The following COL5A3 variants were observed in gnomAD, a reference collection of about 807,000 sequenced individuals.
COL5A3 encodes the protein collagen alpha-3(V) chain.
In COL5A3, 172 loss-of-function variants were observed where a neutral mutation model predicts 250.0. The observed-to-expected ratio is 0.69, with a 90% CI of 0.61 to 0.78. COL5A3 has a LOEUF of 0.78. Ranked by LOEUF, COL5A3 falls within the 30% of genes least tolerant of loss-of-function variation. COL5A3 has a pLI of 0.00. For synonymous variants in COL5A3, 937 were observed against 900.4 expected, an observed-to-expected ratio of 1.04 and a Z score of -0.73; for missense variants, 2,340 against 2,334.4, an observed-to-expected ratio of 1.00 and a Z score of -0.05.
Position 9,979,855 on chromosome 19 carries a change from C to A in COL5A3, c.2696G>T (p.Gly899Val). The A allele has an allele frequency of 6.3e-7, 1 of 1,578,764 alleles. No homozygotes were observed. Residue 899 changes from glycine to valine, a missense_variant, in exon 37 of 67, where the codon GGA becomes GTA. Transcript: ENST00000264828. ...GTTACTCACCAGTTCTCCTCTCTGT[C>A]CAGGGTGCCCTGGTCGCCCATCTTT... Reference protein sequence around the residue: ...QGKDGRPGHPGQRGELGFQGQ... With the variant: ...QGKDGRPGHPVQRGELGFQGQ...
chr19:9,973,189 TAAGACAGTGA>T (rs2086877067), intron 50 of COL5A3, among the ~76,000 whole-genome samples, 163 bp from the exon 51 acceptor site: 1 of 152,152 alleles, frequency 6.6e-6, no homozygotes, highest in Non-Finnish European at 1.5e-5. Context: ...AGCTAGGACT[TAAGACAGTGA>T]AAGGTCTGGA....
chr19:9,992,416 AAAAG>A (rs757757080), intron 21 of COL5A3, among the ~76,000 whole-genome samples: 1 of 151,804 alleles, frequency 6.6e-6, no homozygotes, highest in Non-Finnish European at 1.5e-5. Flanking sequence ...TCTAAAAAAA[AAAAG>A]AAAGAAAGAA....
chr19:9,973,703 TA>T, intron 49 of COL5A3, 52 bp downstream of exon 49: 1 of 1,612,654 alleles, frequency 6.2e-7, no homozygotes, highest in Non-Finnish European at 8.5e-7. Context: ...CCCTGCCCAA[TA>T]GGACTAGATT....
At chr19:10,006,051 CA>C (rs2087438698) in intron 2 of COL5A3, 21 bp downstream of exon 2, 3 of 1,612,512 alleles carry the variant, frequency 1.9e-6, no homozygotes, top group Non-Finnish European at 2.5e-6. Flanking sequence ...GGGAGGTACC[CA>C]GGCCTCCTAC....
chr19:9,998,231 T>TTC, intron 8 of COL5A3, 82 bp from the exon 9 acceptor site: 1 of 1,231,668 alleles, frequency 8.1e-7, no homozygotes, highest in Non-Finnish European at 1.1e-6. Context: ...CACACACACT[T>TTC]GCACACACAC....
At chr19:9,974,459 G>T (rs747868495) in intron 45 of COL5A3, 51 bp from the exon 46 acceptor site, 2 of 1,362,820 alleles carry the variant, frequency 1.5e-6, no homozygotes, top group Admixed American at 2.3e-5. Flanking sequence ...AGTGATTAGG[G>T]CAGAGTGAGG....
At chr19:9,992,492 A>G (rs1463243585) in intron 21 of COL5A3, among the ~76,000 whole-genome samples, 2 of 152,076 alleles carry the variant, frequency 1.3e-5, no homozygotes, top group Non-Finnish European at 2.9e-5. Flanking sequence ...AAAGCGAGAA[A>G]AAAAAGACAG....
chr19:9,961,657 C>G (rs1218124458), intron 65 of COL5A3, among the ~76,000 whole-genome samples: 1 of 150,664 alleles, frequency 6.6e-6, no homozygotes, highest in Non-Finnish European at 1.5e-5. Flanking sequence ...CTCCCGGGTT[C>G]ACGCCTTTCT....
intron 6 of COL5A3, among the ~76,000 whole-genome samples, chr19:10,002,143 G>T (rs2087372364): frequency 6.6e-6 from 1 of 152,130 alleles, no homozygotes; most frequent in Non-Finnish European, 1.5e-5. Flanking sequence ...CAACATTCAG[G>T]GCCAGGCTCC....
Position 9,995,995 on chromosome 19 carries a change from C to A in COL5A3, c.1533+71G>T, listed in dbSNP as rs3745592. 6.5e-6 allele frequency: 9 copies of A among 1,380,244 alleles called. No individual in the cohort carries two copies. In the African/African-American group the frequency reaches 1.2e-4, roughly 18 times the overall value. The allele number at this position is 1,380,244 out of a possible 1,614,324, so 85.5% of individuals were successfully genotyped here. ...CAGCCCCTTTGGCACTTTCCCCATC[C>A]AGCACTGTATCTTGTGGTCCTGGGG... On this transcript the variant is annotated intron_variant, in intron 15 of 66. Coordinates refer to ENST00000264828, the MANE Select transcript of COL5A3 (RefSeq NM_015719.4).
chr19:9,978,751 C>T, intron 40 of COL5A3, 124 bp from the exon 41 acceptor site: 1 of 907,062 alleles, frequency 1.1e-6, no homozygotes. Context: ...TTTGAGGGGT[C>T]TGCCTTCCCC....
intron 35 of COL5A3, 42 bp from the exon 36 acceptor site, chr19:9,980,089 C>T (rs2086986592): frequency 5.8e-6 from 9 of 1,550,830 alleles, no homozygotes; most frequent in Non-Finnish European, 7.8e-6. Context: ...CCCCCTGCCT[C>T]CCTGCCCACT....
intron 4 of COL5A3, among the ~76,000 whole-genome samples, chr19:10,004,777 AC>A (rs1323768196): frequency 6.6e-6 from 1 of 152,184 alleles, no homozygotes; most frequent in Non-Finnish European, 1.5e-5. Context: ...AGGTCTCCAC[AC>A]CCAGAACACA....
chr19:9,991,870 C>T (rs1224481849), intron 22 of COL5A3, 29 bp from the exon 23 acceptor site: 1 of 1,605,072 alleles, frequency 6.2e-7, no homozygotes, highest in African/African-American at 1.3e-5. Context: ...TTCAGTGAAG[C>T]TAAGAGGGGT....
intron 35 of COL5A3, 127 bp downstream of exon 35, chr19:9,980,521 C>A: frequency 1.5e-6 from 2 of 1,353,406 alleles, no homozygotes; most frequent in Non-Finnish European, 2.0e-6. Flanking sequence ...ACCACCACAC[C>A]CAATTAAGCT....
rs571822876 is a variant in COL5A3, at chr19:9,969,240, CAGAT to C, written c.4152+105_4152+108del. On this transcript the variant is annotated intron_variant, in intron 57 of 66. Transcript: ENST00000264828. ...AGTAGAGACAGGCAGTATGGACACT[CAGAT>C]GGATGGTCAGTGAGGGCTAGCCTGC... 4.3e-4 allele frequency: 406 copies of C among 952,744 alleles called. 1 individual carries two copies. Among genetic ancestry groups the C allele is most frequent in the Admixed American group, 2.3e-3 (94 of 40,164 alleles). 59.0% of individuals were successfully genotyped at this position (952,744 alleles called of 1,614,324 possible). A position where few individuals can be genotyped will look rare whatever the true frequency, so the allele number is the denominator to read the frequency against.
rs750916694 is a variant in COL5A3 at position 9,969,855 on chromosome 19, C to T, written c.3990+14G>A. The T allele has an allele frequency of 1.9e-6, 3 of 1,613,738 alleles. No homozygotes were observed. The highest frequency in any genetic ancestry group is 2.5e-6 in the Non-Finnish European group (3 of 1,179,770). ...AGTAGTGCAGGGACCCTTCCCCTTGCCAGGGGGACTCACCTTGGCACCTTT... is the reference window on the plus strand; with the variant it reads ...AGTAGTGCAGGGACCCTTCCCCTTGTCAGGGGGACTCACCTTGGCACCTTT... On this transcript the variant is annotated intron_variant, in intron 55 of 66. Coordinates refer to ENST00000264828, the MANE Select transcript of COL5A3 (RefSeq NM_015719.4).
chr19:9,967,923 T>TTCTGTCCTAGAAAGCC lies in COL5A3; in HGVS notation c.4384_4385insGGCTTTCTAGGACAGA (p.Lys1462ArgfsTer100). ...ACTCACCGGAGACCCTTTTGAGCCT[T>TTCTGTCCTAGAAAGCC]TCTGTCCTAGAGGGCCCTGTAGGGT... On this transcript the variant is annotated frameshift_variant, in exon 61 of 67. Transcript: ENST00000264828. LOFTEE classifies it high-confidence loss of function. 4.3e-6 allele frequency: 7 copies of TTCTGTCCTAGAAAGCC among 1,613,122 alleles called. No homozygotes were observed. The highest frequency in any genetic ancestry group is 5.9e-6 in the Non-Finnish European group (7 of 1,179,644).
intron 31 of COL5A3, among the ~76,000 whole-genome samples, chr19:9,983,626 GAAA>G (rs1568418949): frequency 1.7e-5 from 2 of 119,196 alleles, no homozygotes; most frequent in Non-Finnish European, 1.9e-5. Flanking sequence ...GAGAAAGAAA[GAAA>G]GAAGAGAGAG....
Sources: gnomAD v4.1 joint callset for allele counts (sites outside exome capture counted in the v4.1 genomes callset) on GRCh38, gnomAD v4.1.1 for gene constraint, MANE v1.5 for transcripts, NCBI Gene and HGNC (gene_info 2026-07-23, HGNC 2026-07-21) for gene names.